Variants in LIPI observed in about 807,000 individuals in gnomAD.
LIPI encodes lipase member I.
Under a neutral mutation model 50.6 loss-of-function variants are expected in LIPI, and 59 were observed. The observed-to-expected ratio is 1.16, with a 90% CI of 0.94 to 1.45. The LOEUF is 1.45. Ranked by LOEUF, LIPI falls within the 40% of genes most tolerant of loss-of-function variation. LIPI has a pLI of 0.00. For synonymous variants in LIPI, 203 were observed against 178.2 expected (o/e 1.14, Z -1.11); for missense variants, 586 against 536.3 (o/e 1.09, Z -0.92).
intron 9 of LIPI, among the ~76,000 whole-genome samples, chr21:14,140,361 A>T (rs1053881131): frequency 6.6e-6 from 1 of 152,132 alleles, no homozygotes; most frequent in African/African-American, 2.4e-5. Context: ...TCCATGTTTC[A>T]ACTAGAACGT....
intron 3 of LIPI, among the ~76,000 whole-genome samples, chr21:14,185,515 T>C (rs1019627735): frequency 1.3e-5 from 2 of 152,194 alleles, no homozygotes; most frequent in Non-Finnish European, 2.9e-5. Flanking sequence ...AGCCAATATT[T>C]AAATATAACA....
intron 1 of LIPI, among the ~76,000 whole-genome samples, chr21:14,204,972 T>C (rs767475459): frequency 8.6e-5 from 13 of 151,580 alleles, no homozygotes; most frequent in Non-Finnish European, 1.9e-4. Context: ...AAAAATGAAC[T>C]ACGGAAGTGT....
chr21:14,165,200 G>C (rs2018632171), intron 6 of LIPI, 23 bp downstream of exon 6: 3 of 1,533,458 alleles, frequency 2.0e-6, no homozygotes, highest in Non-Finnish European at 2.7e-6. Flanking sequence ...AAGAATGATA[G>C]TAACTATAAT....
At chr21:14,189,594 G>T (rs939387143) in intron 1 of LIPI, among the ~76,000 whole-genome samples, 175 bp from the exon 2 acceptor site, 1 of 152,108 alleles carries the variant, frequency 6.6e-6, no homozygotes, top group African/African-American at 2.4e-5. Flanking sequence ...TATGTAAAAA[G>T]ATTTTCTGAA....
At chr21:14,163,611 C>T in intron 6 of LIPI, 88 bp from the exon 7 acceptor site, 1 of 737,178 alleles carries the variant, frequency 1.4e-6, no homozygotes, top group Non-Finnish European at 2.5e-6. Context: ...AAGATCAGTG[C>T]ATATAATCAT....
intron 7 of LIPI, among the ~76,000 whole-genome samples, chr21:14,156,477 T>C (rs2018275055): frequency 6.6e-6 from 1 of 151,880 alleles, no homozygotes; most frequent in Admixed American, 6.6e-5. Context: ...AAGTATATTC[T>C]CCCCTGAGCC....
intron 3 of LIPI, among the ~76,000 whole-genome samples, chr21:14,183,942 G>T (rs1383400097): frequency 6.6e-6 from 1 of 152,170 alleles, no homozygotes; most frequent in African/African-American, 2.4e-5. Flanking sequence ...TCTAGAACTA[G>T]AAATACCATT....
Position 14,144,747 on chromosome 21 carries a change from A to AAAATTGAGC in LIPI, c.1162_1170dup (p.Ala388_Phe390dup). 1 of 1,584,320 alleles carries AAAATTGAGC rather than the reference A, an allele frequency of 6.3e-7. No individual in the cohort carries two copies. The highest frequency in any genetic ancestry group is 8.7e-7 in the Non-Finnish European group (1 of 1,153,702). ...CTTGAAATATTTACAAAGTCATTAT[A>AAAATTGAGC]AAATTGAGCAAGAATCTTGACTTCT... On this transcript the variant is annotated inframe_insertion, in exon 9 of 10. Transcript: ENST00000681601.
intron 9 of LIPI, among the ~76,000 whole-genome samples, chr21:14,132,352 T>G (rs1213166058): frequency 3.3e-5 from 5 of 152,120 alleles, no homozygotes; most frequent in African/African-American, 1.2e-4. Flanking sequence ...CCCATCAGAA[T>G]AACAACAGAC....
intron 3 of LIPI, among the ~76,000 whole-genome samples, chr21:14,183,238 T>C (rs1251053083): frequency 6.6e-6 from 1 of 152,148 alleles, no homozygotes; most frequent in Admixed American, 6.5e-5. Context: ...GATTCCCTAT[T>C]TAATAAATGG....
intron 3 of LIPI, among the ~76,000 whole-genome samples, chr21:14,183,043 C>G (rs549379657): frequency 6.6e-6 from 1 of 151,868 alleles, no homozygotes; most frequent in Non-Finnish European, 1.5e-5. Context: ...AAGAACAAAG[C>G]TGGAGGCATC....
At chr21:14,109,486 C>G (rs906521669) in intron 9 of LIPI, among the ~76,000 whole-genome samples, 1 of 152,024 alleles carries the variant, frequency 6.6e-6, no homozygotes, top group Non-Finnish European at 1.5e-5. Flanking sequence ...TTAATCAGTC[C>G]TCTTATGCCA....
intron 4 of LIPI, among the ~76,000 whole-genome samples, chr21:14,178,010 A>G (rs1212162141): frequency 6.6e-6 from 1 of 152,114 alleles, no homozygotes; most frequent in Admixed American, 6.5e-5. Context: ...TCCTTTCACC[A>G]TATGGAAGCA....
chr21:14,111,645 A>G (rs2016418475), intron 9 of LIPI, among the ~76,000 whole-genome samples: 1 of 151,904 alleles, frequency 6.6e-6, no homozygotes. Flanking sequence ...TTTTGAGGTC[A>G]TATCCAAAAT....
At chr21:14,159,281 A>T (rs78616841) in intron 7 of LIPI, among the ~76,000 whole-genome samples, 2 of 151,530 alleles carry the variant, frequency 1.3e-5, no homozygotes, top group African/African-American at 2.4e-5. Flanking sequence ...AAATTCAACA[A>T]TGTATTTTAA....
intron 7 of LIPI, among the ~76,000 whole-genome samples, chr21:14,159,671 A>G (rs896729593): frequency 3.3e-5 from 5 of 151,520 alleles, no homozygotes; most frequent in Admixed American, 2.0e-4. Flanking sequence ...AATTAAATGC[A>G]CACAGATTGT....
intron 6 of LIPI, among the ~76,000 whole-genome samples, chr21:14,164,751 G>T (rs1351702354): frequency 1.3e-5 from 2 of 151,980 alleles, no homozygotes; most frequent in Non-Finnish European, 2.9e-5. Context: ...CTCTTAGCAG[G>T]TTTATCCATT....
chr21:14,178,114 T>G (rs374916), intron 4 of LIPI, among the ~76,000 whole-genome samples: 1 of 152,016 alleles, frequency 6.6e-6, no homozygotes, highest in Non-Finnish European at 1.5e-5. Context: ...TAAACTTGTA[T>G]GGTTTGATGA....
At chr21:14,182,765 G>C (rs1372551554) in intron 3 of LIPI, among the ~76,000 whole-genome samples, 2 of 151,286 alleles carry the variant, frequency 1.3e-5, no homozygotes, top group East Asian at 3.9e-4. Context: ...AAAATACCTA[G>C]GAATCCAACT....
Sources: gnomAD v4.1 joint callset for allele counts (sites outside exome capture counted in the v4.1 genomes callset) on GRCh38, gnomAD v4.1.1 for gene constraint, MANE v1.5 for transcripts, NCBI Gene and HGNC (gene_info 2026-07-23, HGNC 2026-07-21) for gene names.